Variants in PRKG1 observed in about 807,000 individuals in gnomAD.
PRKG1 encodes the protein protein kinase cGMP-dependent 1, also known as cGMP-dependent protein kinase 1.
Under a neutral mutation model 88.1 loss-of-function variants are expected in PRKG1, and 35 were observed. The observed-to-expected ratio is 0.40, with a 90% CI of 0.30 to 0.53. The LOEUF is 0.53. Ranked by LOEUF, PRKG1 falls within the 20% of genes least tolerant of loss-of-function variation. The pLI, the probability that PRKG1 is intolerant of heterozygous loss-of-function variation, is 0.59. For synonymous variants in PRKG1, 303 were observed against 292.5 expected (o/e 1.04, Z -0.37); for missense variants, 540 against 839.8 (o/e 0.64, Z 4.41).
At chr10:51,561,803 TG>T (rs779865010) in intron 3 of PRKG1, among the ~76,000 whole-genome samples, 1 of 152,220 alleles carries the variant, frequency 6.6e-6, no homozygotes, top group East Asian at 1.9e-4. Context: ...TGGAATAGAG[TG>T]TTTAGTCATC....
intron 1 of PRKG1, among the ~76,000 whole-genome samples, chr10:51,051,516 A>G (rs1392372046): frequency 3.3e-5 from 5 of 152,046 alleles, no homozygotes; most frequent in Non-Finnish European, 5.9e-5. Context: ...CTATTTGCCA[A>G]TCATATTTGT....
chr10:51,481,185 T>TTCCTTCCC (rs1554814310), intron 3 of PRKG1, among the ~76,000 whole-genome samples: 1 of 137,772 alleles, frequency 7.3e-6, no homozygotes, highest in Non-Finnish European at 1.7e-5. Flanking sequence ...CTCTCCCTCC[T>TTCCTTCCC]TCCCTCCCTC....
intron 2 of PRKG1, among the ~76,000 whole-genome samples, chr10:51,307,817 C>T (rs1354266174): frequency 6.6e-6 from 1 of 151,902 alleles, no homozygotes; most frequent in Non-Finnish European, 1.5e-5. Flanking sequence ...ATTTTAAGAA[C>T]TTAATTTTTC....
chr10:51,146,910 G>A lies in PRKG1; in HGVS notation c.312-6254G>A, dbSNP rs894254230. 5.9e-5 allele frequency among the ~76,000 whole-genome samples: 9 copies of A among 152,218 alleles called. No homozygotes were observed. The East Asian group carries it at 1.5e-3, about 26-fold the overall frequency. ...GAATCAATCTAAATGTCCATCAACAGATGAACAGATAAGGAAATGTGGTAC... is the reference window on the plus strand; with the variant it reads ...GAATCAATCTAAATGTCCATCAACAAATGAACAGATAAGGAAATGTGGTAC... On this transcript the variant is annotated intron_variant, in intron 1 of 17. Coordinates refer to ENST00000373980, the MANE Select transcript of PRKG1 (RefSeq NM_006258.4).
At chr10:51,275,488 G>A (rs752065608) in intron 2 of PRKG1, among the ~76,000 whole-genome samples, 7 of 152,058 alleles carry the variant, frequency 4.6e-5, no homozygotes, top group Non-Finnish European at 1.0e-4. Flanking sequence ...TGGTGAGTTG[G>A]GTGCAAAGGG....
chr10:51,427,417 T>C (rs1030752186), intron 2 of PRKG1, among the ~76,000 whole-genome samples: 8 of 152,292 alleles, frequency 5.3e-5, no homozygotes, highest in Non-Finnish European at 1.0e-4. Context: ...AAAGACAACA[T>C]GAACCATTTA....
intron 2 of PRKG1, among the ~76,000 whole-genome samples, chr10:51,351,656 T>C (rs1429213559): frequency 6.6e-6 from 1 of 152,026 alleles, no homozygotes; most frequent in Non-Finnish European, 1.5e-5. Flanking sequence ...CTTTTTCAGA[T>C]GGATAGATTG....
At chr10:51,259,845 G>C (rs935113114) in intron 2 of PRKG1, among the ~76,000 whole-genome samples, 4 of 152,152 alleles carry the variant, frequency 2.6e-5, no homozygotes, top group African/African-American at 9.7e-5. Flanking sequence ...CCCATATGGA[G>C]GTGTATCTGT....
chr10:52,148,524 A>G (rs1482531021), intron 8 of PRKG1, among the ~76,000 whole-genome samples: 1 of 152,224 alleles, frequency 6.6e-6, no homozygotes, highest in Non-Finnish European at 1.5e-5. Context: ...GAATAGAAAA[A>G]AAAAGGCAAA....
intron 3 of PRKG1, among the ~76,000 whole-genome samples, chr10:51,642,138 T>C (rs886522741): frequency 2.0e-5 from 3 of 152,158 alleles, no homozygotes; most frequent in Middle Eastern, 3.2e-3. Context: ...ACCATTGTAA[T>C]CCCAGCACTT....
At chr10:51,400,275 G>C (rs1397012035) in intron 2 of PRKG1, among the ~76,000 whole-genome samples, 1 of 152,180 alleles carries the variant, frequency 6.6e-6, no homozygotes, top group Non-Finnish European at 1.5e-5. Flanking sequence ...GGAAAAATCA[G>C]CTTGATGTAA....
At chr10:52,142,412 A>C (rs1298070298) in intron 8 of PRKG1, among the ~76,000 whole-genome samples, 1 of 152,200 alleles carries the variant, frequency 6.6e-6, no homozygotes, top group East Asian at 1.9e-4. Context: ...TCTTGGAGTC[A>C]TGAAAATGAA....
chr10:52,226,978 T>C (rs1348143978), intron 9 of PRKG1, among the ~76,000 whole-genome samples: 1 of 152,168 alleles, frequency 6.6e-6, no homozygotes, highest in Non-Finnish European at 1.5e-5. Context: ...AGAGATCTTA[T>C]ATTCTGTCAA....
At chr10:52,097,170 T>G (rs1847191775) in intron 7 of PRKG1, among the ~76,000 whole-genome samples, 1 of 152,086 alleles carries the variant, frequency 6.6e-6, no homozygotes, top group South Asian at 2.1e-4. Flanking sequence ...GATCCAGGGG[T>G]CCCTCCCACT....
chr10:51,720,316 A>G (rs1841982576), intron 3 of PRKG1, among the ~76,000 whole-genome samples: 1 of 148,488 alleles, frequency 6.7e-6, no homozygotes, highest in African/African-American at 2.5e-5. Flanking sequence ...CATACCTAAA[A>G]GTTCCAATTC....
At chr10:52,074,871 C>G (rs888045500) in intron 7 of PRKG1, among the ~76,000 whole-genome samples, 1 of 152,048 alleles carries the variant, frequency 6.6e-6, no homozygotes. Context: ...AAGACTGTAT[C>G]GCATAAAAGG....
intron 2 of PRKG1, among the ~76,000 whole-genome samples, chr10:51,318,489 A>G (rs1277108407): frequency 1.3e-5 from 2 of 152,168 alleles, no homozygotes; most frequent in African/African-American, 4.8e-5. Flanking sequence ...TTTTAAGATT[A>G]TGTAAGAATA....
chr10:52,269,029 G>T lies in PRKG1; in HGVS notation c.1174-2321G>T, dbSNP rs1231974706. On this transcript the variant is annotated intron_variant, in intron 10 of 17. Coordinates refer to ENST00000373980, the MANE Select transcript of PRKG1 (RefSeq NM_006258.4). ...CAAGTCCAGACCTGTGACTATAAAG[G>T]CTGAATTCTTTCCTCCTACCCTGTG... Among the ~76,000 whole-genome samples, 4 of 151,536 alleles carry T rather than the reference G, an allele frequency of 2.6e-5. No individual in the cohort carries two copies. The East Asian group carries it at 7.8e-4, about 30-fold the overall frequency.
At chr10:51,561,284 C>G (rs1013660069) in intron 3 of PRKG1, among the ~76,000 whole-genome samples, 5 of 151,818 alleles carry the variant, frequency 3.3e-5, no homozygotes, top group African/African-American at 1.2e-4. Context: ...GAGCTGTGGT[C>G]ATGCCACTGC....
Sources: gnomAD v4.1 joint callset for allele counts (sites outside exome capture counted in the v4.1 genomes callset) on GRCh38, gnomAD v4.1.1 for gene constraint, MANE v1.5 for transcripts, NCBI Gene and HGNC (gene_info 2026-07-23, HGNC 2026-07-21) for gene names.